Variants in LUZP2 observed in about 807,000 individuals in gnomAD.
LUZP2 encodes leucine zipper protein 2.
LUZP2 carries 52 observed loss-of-function variants against 51.6 expected under a neutral mutation model. The ratio of observed to expected loss-of-function variants is 1.01; its 90% confidence interval spans 0.81 to 1.27. LUZP2 has a LOEUF of 1.27. Ranked by LOEUF, LUZP2 falls within the 50% of genes most tolerant of loss-of-function variation. The pLI, the probability that LUZP2 is intolerant of heterozygous loss-of-function variation, is 0.00. For missense variants in LUZP2, 436 were observed against 395.4 expected (o/e 1.10, Z -0.87); for synonymous variants, 154 against 137.3 (o/e 1.12, Z -0.85).
At chr11:24,660,390 T>A (rs960886180) in intron 1 of LUZP2, among the ~76,000 whole-genome samples, 12 of 152,100 alleles carry the variant, frequency 7.9e-5, no homozygotes, top group Non-Finnish European at 1.3e-4. Context: ...TAATGTGATG[T>A]GAAAATATCT....
intron 1 of LUZP2, among the ~76,000 whole-genome samples, chr11:24,593,532 G>A (rs1205469620): frequency 2.0e-5 from 3 of 152,130 alleles, no homozygotes; most frequent in South Asian, 2.1e-4. Flanking sequence ...TTTTCCTTTG[G>A]GGTGACCGAT....
intron 9 of LUZP2, among the ~76,000 whole-genome samples, chr11:24,999,400 A>G (rs569378311): frequency 2.4e-5 from 3 of 127,098 alleles, no homozygotes; most frequent in Non-Finnish European, 3.5e-5. Context: ...GATGGGGAGG[A>G]GGAGGAAGGA....
intron 9 of LUZP2, among the ~76,000 whole-genome samples, chr11:25,028,559 G>C (rs4923229): frequency 4.1e-4 from 62 of 152,034 alleles, no homozygotes; most frequent in Non-Finnish European, 8.7e-4. Flanking sequence ...ATCTTTGCAC[G>C]TTCTCATTTA....
intron 9 of LUZP2, among the ~76,000 whole-genome samples, chr11:24,986,728 A>G (rs890088787): frequency 5.9e-5 from 9 of 151,392 alleles, no homozygotes; most frequent in Non-Finnish European, 1.2e-4. Flanking sequence ...TTCTGAAAAA[A>G]CTCACTTTGT....
In LUZP2 at chr11:25,080,847, A is replaced by G. The variant is rs1859440864; in HGVS notation, c.*2189A>G. ...TTGAAGCATCTTTGGAATGAAAAAA[A>G]AGAAGAATCAGGCTGTTATTTCCTG... is the stretch of plus-strand genomic sequence containing the variant. On this transcript the variant is annotated 3_prime_UTR_variant, in exon 12 of 12. Transcript: ENST00000336930. The G allele has an allele frequency of 6.6e-6, 1 of 152,136 alleles. No homozygotes were observed. The highest frequency in any genetic ancestry group is 6.5e-5 in the Admixed American group (1 of 15,274). The allele number at this position is 152,136 out of a possible 1,614,324, so 9.4% of individuals were successfully genotyped here.
intron 5 of LUZP2, among the ~76,000 whole-genome samples, chr11:24,843,447 G>A (rs555015121): frequency 3.3e-5 from 5 of 152,134 alleles, no homozygotes; most frequent in Admixed American, 6.6e-5. Context: ...TCCCATTAAT[G>A]TTGTAAAAAT....
At chr11:24,585,328 A>G (rs1853027619) in intron 1 of LUZP2, among the ~76,000 whole-genome samples, 1 of 152,178 alleles carries the variant, frequency 6.6e-6, no homozygotes, top group South Asian at 2.1e-4. Flanking sequence ...ACTGTATTTG[A>G]CTGGACCTGT....
intron 5 of LUZP2, among the ~76,000 whole-genome samples, chr11:24,831,717 A>T (rs1309706581): frequency 6.6e-6 from 1 of 152,196 alleles, no homozygotes. Flanking sequence ...TTAAAATATT[A>T]TATTTTAAAC....
intron 9 of LUZP2, among the ~76,000 whole-genome samples, chr11:24,988,556 C>T (rs1031335549): frequency 2.0e-5 from 3 of 151,826 alleles, no homozygotes; most frequent in East Asian, 3.9e-4. Flanking sequence ...TGTAAAATAC[C>T]GTGACTATAT....
chr11:24,749,143 G>A lies in LUZP2; in HGVS notation c.333+10841G>A, dbSNP rs147857984. Among the ~76,000 whole-genome samples the A allele has an allele frequency of 5.6e-4, 86 of 152,298 alleles. No individual in the cohort carries two copies. The East Asian group carries it at 8.9e-3, about 16-fold the overall frequency. On this transcript the variant is annotated intron_variant, in intron 4 of 11. Transcript: ENST00000336930. The stretch of plus-strand genomic sequence containing the variant: ...TGTATTACTATAGAAACAGCTTACA[G>A]TAGAGGCCAAAATTTCCAAGTAACC...
chr11:24,623,138 C>G (rs1854557387), intron 1 of LUZP2, among the ~76,000 whole-genome samples: 2 of 151,866 alleles, frequency 1.3e-5, no homozygotes. Flanking sequence ...GAGAGAGAAG[C>G]AGGCATTTAC....
At position 24,991,819 on chromosome 11, in the gene LUZP2, A is replaced by G. The variant is rs184837714; in HGVS notation, c.765+8526A>G. ...TTTGAATCGCATTTCCCTGATCATT[A>G]GTGATGTTGAGCATTTTTTCATATT... is the stretch of plus-strand genomic sequence containing the variant. On this transcript the variant is annotated intron_variant, in intron 9 of 11. Coordinates refer to ENST00000336930, the MANE Select transcript of LUZP2 (RefSeq NM_001009909.4). Among the ~76,000 whole-genome samples, 130 of 152,174 alleles carry G rather than the reference A, an allele frequency of 8.5e-4. 2 individuals carry two copies. The highest frequency in any genetic ancestry group is 3.1e-3 in the African/African-American group (129 of 41,550).
Position 24,611,677 on chromosome 11 carries a change from C to T in LUZP2, c.62+114372C>T, listed in dbSNP as rs967967484. On this transcript the variant is annotated intron_variant, in intron 1 of 11. Coordinates refer to ENST00000336930, the MANE Select transcript of LUZP2 (RefSeq NM_001009909.4). This position sits in a 1 kb window ranked among gnomAD's most constrained non-coding sequence, Gnocchi z 4.6. ...ATCATCATCCCTGGCGTTTATTGAG[C>T]CCTCCTTCAACACATGTCCTGCATA... Among the ~76,000 whole-genome samples the T allele has an allele frequency of 6.6e-6, 1 of 152,090 alleles. No homozygotes were observed. The highest frequency in any genetic ancestry group is 2.4e-5 in the African/African-American group (1 of 41,420).
chr11:24,833,169 G>T (rs1215529702), intron 5 of LUZP2, among the ~76,000 whole-genome samples: 1 of 152,118 alleles, frequency 6.6e-6, no homozygotes, highest in East Asian at 1.9e-4. Context: ...ACAAATTATA[G>T]TTCCTTAAAA....
intron 1 of LUZP2, among the ~76,000 whole-genome samples, chr11:24,549,059 T>C (rs559656323): frequency 3.3e-5 from 5 of 152,168 alleles, no homozygotes; most frequent in Admixed American, 1.3e-4. Context: ...CTGTAACTTT[T>C]TTTACTCTAT....
intron 9 of LUZP2, among the ~76,000 whole-genome samples, chr11:25,022,519 C>A (rs1011242524): frequency 1.3e-5 from 2 of 152,076 alleles, no homozygotes; most frequent in East Asian, 1.9e-4. Flanking sequence ...TGGGATTTTG[C>A]AGACTAATAA....
chr11:24,640,224 G>A (rs1259755599), intron 1 of LUZP2, among the ~76,000 whole-genome samples: 1 of 151,886 alleles, frequency 6.6e-6, no homozygotes, highest in Non-Finnish European at 1.5e-5. Flanking sequence ...TGTTCTAAAA[G>A]GAGTCAAAAA....
chr11:24,874,401 G>A (rs970636), intron 5 of LUZP2, among the ~76,000 whole-genome samples: 150,106 of 152,148 alleles, frequency 0.99, 74,053 homozygotes, highest in East Asian at 1. Context: ...TGTCGGTGAG[G>A]CATTTATGGA....
intron 1 of LUZP2, among the ~76,000 whole-genome samples, chr11:24,641,977 T>G (rs1311256771): frequency 6.6e-6 from 1 of 151,882 alleles, no homozygotes; most frequent in Non-Finnish European, 1.5e-5. Flanking sequence ...CACTGTAACC[T>G]CCGCCTCCCT....
Sources: allele counts gnomAD v4.1 joint callset (sites outside exome capture counted in the v4.1 genomes callset), GRCh38; gene constraint gnomAD v4.1.1; non-coding constraint Gnocchi (gnomAD v3.1); transcripts MANE v1.5; gene names NCBI Gene and HGNC (gene_info 2026-07-23, HGNC 2026-07-21).